The following USP15 variants were observed in gnomAD, a reference collection of about 807,000 sequenced individuals.
USP15 encodes the protein ubiquitin specific peptidase 15.
USP15 carries 18 observed loss-of-function variants against 127.1 expected under a neutral mutation model. That is an observed-to-expected ratio of 0.14 (90% CI 0.10 to 0.21). USP15 has a LOEUF of 0.21. Among genes scored for constraint, USP15 ranks in the 10% least tolerant of loss-of-function variants. The pLI, the probability that USP15 is intolerant of heterozygous loss-of-function variation, is 1.00. For missense variants in USP15, 805 were observed against 1,159.9 expected (o/e 0.69, Z 4.44); for synonymous variants, 364 against 393.7 (o/e 0.92, Z 0.89).
chr12:62,328,697 C>T (rs753526677), intron 6 of USP15, among the ~76,000 whole-genome samples: 2 of 151,858 alleles, frequency 1.3e-5, no homozygotes, highest in Non-Finnish European at 2.9e-5. Flanking sequence ...TTAGCATAGA[C>T]CAATACAGGT....
At chr12:62,320,077 G>C (rs1159379990) in intron 4 of USP15, among the ~76,000 whole-genome samples, 1 of 151,816 alleles carries the variant, frequency 6.6e-6, no homozygotes, top group Admixed American at 6.6e-5. Flanking sequence ...TTAATAAAAA[G>C]AACAAAAAGA....
At chr12:62,335,475 C>T (rs1382330968) in intron 6 of USP15, 2 of 1,272,524 alleles carry the variant, frequency 1.6e-6, no homozygotes, top group African/African-American at 3.0e-5. Context: ...AGGACAGTCC[C>T]TCTACTCTAC....
chr12:62,347,922 G>C (rs1298488514), intron 6 of USP15, among the ~76,000 whole-genome samples: 1 of 152,102 alleles, frequency 6.6e-6, no homozygotes, highest in African/African-American at 2.4e-5. Flanking sequence ...AATTAGGCCT[G>C]GTGCAGCCTG....
At chr12:62,390,242 A>G (rs1025865342) in intron 14 of USP15, among the ~76,000 whole-genome samples, 1 of 152,178 alleles carries the variant, frequency 6.6e-6, no homozygotes, top group Admixed American at 6.5e-5. Context: ...TTAGAAGGAC[A>G]TAGGAATTTA....
intron 1 of USP15, among the ~76,000 whole-genome samples, chr12:62,272,223 T>G (rs1413306682): frequency 1.3e-5 from 2 of 151,966 alleles, no homozygotes; most frequent in African/African-American, 4.8e-5. Flanking sequence ...CAGAATTGTT[T>G]ATGCCATTCT....
intron 3 of USP15, among the ~76,000 whole-genome samples, chr12:62,308,149 T>G: frequency 6.6e-6 from 1 of 152,084 alleles, no homozygotes; most frequent in East Asian, 1.9e-4. Flanking sequence ...TTCAAAGGCT[T>G]ATAGAAAATT....
At chr12:62,288,524 G>A (rs759756254) in intron 1 of USP15, among the ~76,000 whole-genome samples, 3 of 151,902 alleles carry the variant, frequency 2.0e-5, no homozygotes, top group East Asian at 3.9e-4. Flanking sequence ...AGTTATCTAG[G>A]TATAAGATGA....
At chr12:62,310,958 T>C (rs1565842619) in intron 3 of USP15, among the ~76,000 whole-genome samples, 1 of 152,044 alleles carries the variant, frequency 6.6e-6, no homozygotes, top group Non-Finnish European at 1.5e-5. Context: ...GTGGTTTTGA[T>C]TTGCATTTCT....
rs2068043386 is a variant in USP15 at position 62,411,622 on chromosome 12, A to G, written c.*7247A>G. The G allele has an allele frequency of 6.6e-6, 1 of 152,180 alleles. No individual in the cohort carries two copies. The highest frequency in any genetic ancestry group is 2.4e-5 in the African/African-American group (1 of 41,432). The allele number at this position is 152,180 out of a possible 1,614,324, so 9.4% of individuals were successfully genotyped here. A position where few individuals can be genotyped will look rare whatever the true frequency, so the allele number is the denominator to read the frequency against. ...GACAATAATCCAGACTCCAGAGGTTATGGCTTTTATGTGTTTGGATACTGT... is the reference window on the plus strand; with the variant it reads ...GACAATAATCCAGACTCCAGAGGTTGTGGCTTTTATGTGTTTGGATACTGT... On this transcript the variant is annotated 3_prime_UTR_variant, in exon 22 of 22. Transcript: ENST00000280377.
chr12:62,399,043 CT>C (rs1340401557), intron 20 of USP15, among the ~76,000 whole-genome samples: 1 of 151,958 alleles, frequency 6.6e-6, no homozygotes, highest in Non-Finnish European at 1.5e-5. Flanking sequence ...CTCTAGCTTT[CT>C]TTTTGGTATC....
At chr12:62,306,293 C>T (rs2064482077) in intron 3 of USP15, among the ~76,000 whole-genome samples, 3 of 152,048 alleles carry the variant, frequency 2.0e-5, no homozygotes, top group Admixed American at 2.0e-4. Context: ...AATCATGGTA[C>T]CTGTAAATAG....
intron 6 of USP15, chr12:62,335,468 A>C: frequency 7.7e-7 from 1 of 1,305,464 alleles, no homozygotes; most frequent in Non-Finnish European, 9.7e-7. Flanking sequence ...CTATTTAAGG[A>C]CAGTCCCTCT....
chr12:62,364,993 T>C (rs578179644), intron 8 of USP15, among the ~76,000 whole-genome samples: 7 of 152,328 alleles, frequency 4.6e-5, no homozygotes, highest in Admixed American at 1.3e-4. Context: ...GACTTTGCTA[T>C]TGTGAAAAGT....
intron 7 of USP15, among the ~76,000 whole-genome samples, chr12:62,353,896 ATAGC>A (rs2066038436): frequency 6.6e-6 from 1 of 152,072 alleles, no homozygotes; most frequent in African/African-American, 2.4e-5. Flanking sequence ...AGTCAAGTAA[ATAGC>A]TATAAGTCTA....
intron 1 of USP15, among the ~76,000 whole-genome samples, chr12:62,265,496 G>T (rs528771201): frequency 6.6e-6 from 1 of 152,258 alleles, no homozygotes; most frequent in Admixed American, 6.5e-5. Context: ...AGTAGTTTAG[G>T]TCTTTGGTTT....
chr12:62,265,388 C>T (rs192576359), intron 1 of USP15, among the ~76,000 whole-genome samples: 1 of 152,144 alleles, frequency 6.6e-6, no homozygotes, highest in African/African-American at 2.4e-5. Flanking sequence ...CACCATATTA[C>T]CACAATTCTG....
intron 6 of USP15, among the ~76,000 whole-genome samples, chr12:62,326,717 A>G (rs1375067020): frequency 1.3e-5 from 2 of 152,238 alleles, no homozygotes; most frequent in Admixed American, 6.5e-5. Context: ...ACATGTTCTG[A>G]TAAGGGATTG....
chr12:62,276,673 G>T, intron 1 of USP15, among the ~76,000 whole-genome samples: 1 of 151,978 alleles, frequency 6.6e-6, no homozygotes, highest in East Asian at 1.9e-4. Flanking sequence ...CCGTATATCA[G>T]AATCACATTT....
At position 62,408,366 on chromosome 12, in the gene USP15, A is replaced by G. The variant is rs371713306; in HGVS notation, c.*3991A>G. The G allele has an allele frequency of 3.3e-5, 5 of 152,058 alleles. No individual in the cohort carries two copies. In the East Asian group the frequency reaches 7.7e-4, roughly 23 times the overall value. The allele number at this position is 152,058 out of a possible 1,614,324, so 9.4% of individuals were successfully genotyped here. ...TGTTTCTGATCTTCTGTGCTTGTGCAGTGTAGATGAGCTCACCGCTTTAAT... is the reference window on the plus strand; with the variant it reads ...TGTTTCTGATCTTCTGTGCTTGTGCGGTGTAGATGAGCTCACCGCTTTAAT... On this transcript the variant is annotated 3_prime_UTR_variant, in exon 22 of 22. Transcript: ENST00000280377.
Sources: gnomAD v4.1 joint callset for allele counts (sites outside exome capture counted in the v4.1 genomes callset) on GRCh38, gnomAD v4.1.1 for gene constraint, MANE v1.5 for transcripts, NCBI Gene and HGNC (gene_info 2026-07-23, HGNC 2026-07-21) for gene names.